The following ATP10B variants were observed in gnomAD, a reference collection of about 807,000 sequenced individuals.
The protein encoded by ATP10B is phospholipid-transporting ATPase VB.
A neutral mutation model predicts 141.2 loss-of-function variants in ATP10B; 122 were observed. That is an observed-to-expected ratio of 0.86 (90% CI 0.75 to 1.00). The LOEUF (loss-of-function observed/expected upper bound fraction) is 1.00. ATP10B is among the 50% of genes least tolerant of loss of function. The pLI, the probability that ATP10B is intolerant of heterozygous loss-of-function variation, is 0.00. For missense variants in ATP10B, 1,876 were observed against 1,825.3 expected (o/e 1.03, Z -0.51); for synonymous variants, 685 against 692.0 (o/e 0.99, Z 0.16).
the ATP10B span, among the ~76,000 whole-genome samples, chr5:160,895,453 G>A: frequency 1.3e-5 from 2 of 151,756 alleles, no homozygotes; most frequent in African/African-American, 4.8e-5. Context: ...AAAAAGACAA[G>A]GGCATTACAT....
At chr5:160,866,281 C>T in the ATP10B span, among the ~76,000 whole-genome samples, 1 of 152,054 alleles carries the variant, frequency 6.6e-6, no homozygotes, top group Non-Finnish European at 1.5e-5. Flanking sequence ...GAGCTGGAGG[C>T]CATTATCCTA....
chr5:160,873,816 G>C, the ATP10B span, among the ~76,000 whole-genome samples: 1 of 152,206 alleles, frequency 6.6e-6, no homozygotes, highest in African/African-American at 2.4e-5. Flanking sequence ...TGAATATTGC[G>C]CTTTTCAGAC....
the ATP10B span, among the ~76,000 whole-genome samples, chr5:160,875,354 A>T: frequency 2.2e-5 from 2 of 90,748 alleles, no homozygotes; most frequent in African/African-American, 5.8e-5. Flanking sequence ...TGTCACCACC[A>T]GGCCTGCTCT....
At chr5:160,662,837 G>T (rs201152665) in intron 7 of ATP10B, among the ~76,000 whole-genome samples, 1 of 152,106 alleles carries the variant, frequency 6.6e-6, no homozygotes, top group East Asian at 1.9e-4. Flanking sequence ...AGCAAAAGAA[G>T]CTACCATCAG....
chr5:160,701,683 G>T (rs1315334026), intron 3 of ATP10B, among the ~76,000 whole-genome samples: 1 of 151,984 alleles, frequency 6.6e-6, no homozygotes. Flanking sequence ...CTATCCCAGT[G>T]CCTCCTGGGA....
At chr5:160,915,863 A>T in the ATP10B span, among the ~76,000 whole-genome samples, 1 of 152,046 alleles carries the variant, frequency 6.6e-6, no homozygotes, top group Non-Finnish European at 1.5e-5. Context: ...TTGCATATAT[A>T]CTCAGAGTAC....
chr5:160,833,302 G>A (rs1775216389), intron 1 of ATP10B, among the ~76,000 whole-genome samples: 1 of 152,138 alleles, frequency 6.6e-6, no homozygotes, highest in Non-Finnish European at 1.5e-5. Context: ...TAATAATTAG[G>A]TTCTAAGACC....
intron 1 of ATP10B, among the ~76,000 whole-genome samples, chr5:160,812,743 G>A (rs767553017): frequency 1.6e-4 from 24 of 152,030 alleles, no homozygotes; most frequent in Non-Finnish European, 3.2e-4. Flanking sequence ...AAAGAATAAA[G>A]CACACCTACA....
At chr5:160,678,773 C>T (rs767293957) in intron 6 of ATP10B, among the ~76,000 whole-genome samples, 1 of 152,136 alleles carries the variant, frequency 6.6e-6, no homozygotes. Flanking sequence ...AGTATCGGCC[C>T]CATTTTATAT....
At chr5:160,574,659 A>C (rs1755078703) in intron 24 of ATP10B, among the ~76,000 whole-genome samples, 1 of 152,188 alleles carries the variant, frequency 6.6e-6, no homozygotes, top group African/African-American at 2.4e-5. Context: ...TTAAGTCATG[A>C]AAGATCTTCC....
the ATP10B span, among the ~76,000 whole-genome samples, chr5:160,871,763 CATTG>C: frequency 6.6e-6 from 1 of 152,096 alleles, no homozygotes; most frequent in African/African-American, 2.4e-5. Context: ...TTTATTCACT[CATTG>C]ATTGATGGAC....
chr5:160,653,606 CAT>C (rs1561705171), intron 7 of ATP10B, among the ~76,000 whole-genome samples: 21 of 37,090 alleles, frequency 5.7e-4, no homozygotes, highest in South Asian at 3.0e-3. Context: ...TACATATATA[CAT>C]ATATACATAT....
chr5:160,598,393 G>A (rs28545695), intron 22 of ATP10B, among the ~76,000 whole-genome samples: 2 of 151,816 alleles, frequency 1.3e-5, no homozygotes, highest in African/African-American at 4.8e-5. Context: ...GTTGTGGGGT[G>A]GGGGGAGCAG....
rs754978021 is a variant in ATP10B at position 160,607,090 on chromosome 5, T to C, written c.2839-4A>G. ...TGAGGATGGATTCACAGGTCTCCTA[T>C]AAAGAAGCATAATAATACAGTATTT... On this transcript the variant is annotated splice_polypyrimidine_tract_variant and splice_region_variant and intron_variant, in intron 18 of 25. Coordinates refer to ENST00000327245, the MANE Select transcript of ATP10B (RefSeq NM_025153.3). 35 of 1,608,544 alleles carry C rather than the reference T, an allele frequency of 2.2e-5. No homozygotes were observed. Among genetic ancestry groups the C allele is most frequent in the Non-Finnish European group, 3.0e-5 (35 of 1,176,158 alleles).
the ATP10B span, among the ~76,000 whole-genome samples, chr5:160,890,185 TCTA>T: frequency 2.6e-5 from 4 of 152,242 alleles, no homozygotes; most frequent in Non-Finnish European, 4.4e-5. Flanking sequence ...TAATAAGTAA[TCTA>T]ATAGAAGTTT....
chr5:160,612,952 C>T (rs775295873), intron 17 of ATP10B, 27 bp from the exon 18 acceptor site: 2 of 1,594,604 alleles, frequency 1.3e-6, no homozygotes, highest in African/African-American at 2.7e-5. Flanking sequence ...CAACAGAGTT[C>T]ACATTTATCG....
the ATP10B span, among the ~76,000 whole-genome samples, chr5:160,867,112 A>G: frequency 6.6e-6 from 1 of 152,090 alleles, no homozygotes; most frequent in Non-Finnish European, 1.5e-5. Context: ...TACATCTGTA[A>G]ACATTCAGAA....
At chr5:160,679,240 C>T (rs1021750334) in intron 6 of ATP10B, among the ~76,000 whole-genome samples, 14 of 152,352 alleles carry the variant, frequency 9.2e-5, no homozygotes, top group South Asian at 4.1e-4. Context: ...CGGTGCTACG[C>T]TGTCAGAAAG....
At chr5:160,664,812 ATCTGAAACACTAACTGGAAGCAT>A (rs1345853822) in intron 7 of ATP10B, among the ~76,000 whole-genome samples, 1 of 152,174 alleles carries the variant, frequency 6.6e-6, no homozygotes, top group Non-Finnish European at 1.5e-5. Context: ...GACATGTTTG[ATCTGAAACACTAACTGGAAGCAT>A]TCATTTCTGA....
Sources: allele counts gnomAD v4.1 joint callset (sites outside exome capture counted in the v4.1 genomes callset), GRCh38; gene constraint gnomAD v4.1.1; transcripts MANE v1.5; gene names NCBI Gene and HGNC (gene_info 2026-07-23, HGNC 2026-07-21).